PODN: variants seen among roughly 807,000 people sequenced by gnomAD.
PODN encodes the protein podocan, also known as podocan proteoglycan.
A neutral mutation model predicts 52.7 loss-of-function variants in PODN; 40 were observed. The observed-to-expected ratio is 0.76, with a 90% CI of 0.59 to 0.99. PODN has a LOEUF of 0.99. PODN is among the 50% of genes least tolerant of loss of function. PODN has a pLI of 0.00. For missense variants in PODN, 720 were observed against 815.1 expected (o/e 0.88, Z 1.42); for synonymous variants, 396 against 377.9 (o/e 1.05, Z -0.56).
chr1:53,083,994 G>A (rs1644329039), intron 10 of PODN, among the ~76,000 whole-genome samples: 1 of 152,160 alleles, frequency 6.6e-6, no homozygotes. Flanking sequence ...CACTTGGGTG[G>A]GTGACAGAGG....
chr1:53,079,426 C>T (rs1050901632), intron 8 of PODN, among the ~76,000 whole-genome samples: 32 of 152,112 alleles, frequency 2.1e-4, no homozygotes, highest in African/African-American at 7.7e-4. Context: ...GGGGCCAGTT[C>T]GGGTGGTATG....
intron 4 of PODN, 119 bp from the exon 5 acceptor site, chr1:53,075,743 A>T: frequency 1.3e-6 from 1 of 763,044 alleles, no homozygotes; most frequent in Non-Finnish European, 2.2e-6. Flanking sequence ...CAATTTGAGA[A>T]AGATGGCCTG....
intron 9 of PODN, among the ~76,000 whole-genome samples, 190 bp downstream of exon 9, chr1:53,081,066 G>A (rs1192052542): frequency 6.6e-6 from 1 of 152,248 alleles, no homozygotes; most frequent in East Asian, 1.9e-4. Context: ...CTTTGGAAAC[G>A]TTAGAAGCCA....
chr1:53,062,619 A>G (rs935857338), intron 1 of PODN, among the ~76,000 whole-genome samples: 1 of 151,330 alleles, frequency 6.6e-6, no homozygotes, highest in African/African-American at 2.4e-5. Flanking sequence ...CGGGGGCTGG[A>G]GTGGGAGGAC....
At chr1:53,077,859 G>A (rs541106724) in intron 7 of PODN, 59 bp downstream of exon 7, 22 of 1,444,632 alleles carry the variant, frequency 1.5e-5, no homozygotes, top group Middle Eastern at 3.5e-4. Context: ...AGCTCCTTCA[G>A]GGCCAACCAT....
Position 53,078,534 on chromosome 1 carries a change from A to G in PODN, c.1024A>G (p.Ser342Gly). 2.5e-6 allele frequency: 4 copies of G among 1,613,232 alleles called. No individual in the cohort carries two copies. The highest frequency in any genetic ancestry group is 3.4e-6 in the Non-Finnish European group (4 of 1,180,038). The change falls in exon 8 of 11, where the codon AGC becomes GGC. Residue 342 changes from serine to glycine, a missense_variant. Ser to Gly is a moderately conservative substitution (Grantham distance 56, BLOSUM62 0). Transcript: ENST00000312553. ...CAGCCTGGAGTACCTGCTGCTGCAC[A>G]GCAACCAGCTGCGGGAGCAGGGCAT... ...IRSLEYLLLH[S>G]NQLREQGIHP...
At chr1:53,067,640 G>A (rs1254291464) in intron 1 of PODN, among the ~76,000 whole-genome samples, 1 of 152,138 alleles carries the variant, frequency 6.6e-6, no homozygotes, top group African/African-American at 2.4e-5. Context: ...CGAAGGTCCA[G>A]GCCAAGTGAC....
At chr1:53,073,637 A>G (rs371075559) in intron 3 of PODN, 1 of 152,270 alleles carries the variant, frequency 6.6e-6, no homozygotes, top group Admixed American at 6.5e-5. Flanking sequence ...CGAAAATAAC[A>G]TCTGACTGGG....
At chr1:53,066,682 C>T (rs1055067703) in intron 1 of PODN, 7 of 761,708 alleles carry the variant, frequency 9.2e-6, no homozygotes, top group African/African-American at 1.8e-5. Flanking sequence ...GGGAGCTCAG[C>T]TTTGCCACTT....
rs2150304706 is a variant in PODN at position 53,079,038 on chromosome 1, G to A, written c.1512+16G>A. 1 of 1,508,312 alleles carries A rather than the reference G, an allele frequency of 6.6e-7. No individual in the cohort carries two copies. The highest frequency in any genetic ancestry group is 8.9e-7 in the Non-Finnish European group (1 of 1,126,600). The allele number at this position is 1,508,312 out of a possible 1,614,324, so 93.4% of individuals were successfully genotyped here. A position where few individuals can be genotyped will look rare whatever the true frequency, so the allele number is the denominator to read the frequency against. ...CCATCTGCAGGTAAGCGGAAGGGAG[G>A]GGGCTGAGCCATGCCCATGGAGGGG... On this transcript the variant is annotated intron_variant, in intron 8 of 10. Transcript: ENST00000312553.
Position 53,077,272 on chromosome 1 carries a change from C to T in PODN, c.664C>T (p.Leu222Phe). ...CAACGGCTCCAGCAACGTCGAGGTCCTCATCCTGTCCAGCAACTTCCTGCG... is the reference window on the plus strand; with the variant it reads ...CAACGGCTCCAGCAACGTCGAGGTCTTCATCCTGTCCAGCAACTTCCTGCG... ...MFNGSSNVEV[L>F]ILSSNFLRHV... The change falls in exon 6 of 11, where the codon CTC (leucine) becomes TTC (phenylalanine). Residue 222 changes from leucine (L) to phenylalanine (F), a missense_variant. Transcript: ENST00000312553. The T allele has an allele frequency of 1.2e-6, 2 of 1,613,474 alleles. No homozygotes were observed. The highest frequency in any genetic ancestry group is 8.5e-7 in the Non-Finnish European group (1 of 1,180,030).
chr1:53,065,995 CTTTT>C (rs780284767), intron 1 of PODN, among the ~76,000 whole-genome samples: 1 of 115,300 alleles, frequency 8.7e-6, no homozygotes, highest in Non-Finnish European at 1.7e-5. Flanking sequence ...TTCTAGAGGT[CTTTT>C]TTTTTTTTTT....
At chr1:53,063,641 A>C in intron 1 of PODN, 1 of 923,048 alleles carries the variant, frequency 1.1e-6, no homozygotes, top group Non-Finnish European at 1.3e-6. Flanking sequence ...CCTCATGTCC[A>C]CTCTTAGGGC....
chr1:53,081,927 G>A, intron 9 of PODN, 54 bp from the exon 10 acceptor site: 5 of 1,542,280 alleles, frequency 3.2e-6, no homozygotes, highest in Non-Finnish European at 3.5e-6. Flanking sequence ...CGGGGGAAGG[G>A]AGGGTTCCTT....
chr1:53,066,986 GGACT>G, intron 1 of PODN: 1 of 998,318 alleles, frequency 1.0e-6, no homozygotes, highest in South Asian at 1.5e-5. Flanking sequence ...TTAGAACCCC[GGACT>G]ACAGTGGGGT....
intron 10 of PODN, among the ~76,000 whole-genome samples, chr1:53,083,389 G>T (rs1214985855): frequency 1.7e-4 from 26 of 152,182 alleles, no homozygotes; most frequent in Admixed American, 1.7e-3. Context: ...GTGCTGGTGG[G>T]AAGAGGCTGG....
intron 3 of PODN, among the ~76,000 whole-genome samples, chr1:53,072,027 A>G (rs17107837): frequency 0.12 from 17,731 of 151,588 alleles, 2,094 homozygotes; most frequent in African/African-American, 0.27. Flanking sequence ...TCATTCATCA[A>G]TTCCATTACA....
rs753880782 is a variant in PODN, at chr1:53,069,817, C to T, written c.-39C>T. 26 of 1,581,506 alleles carry T rather than the reference C, an allele frequency of 1.6e-5. No homozygotes were observed. Among genetic ancestry groups the T allele is most frequent in the Admixed American group, 5.4e-5 (3 of 55,842 alleles). ...ACCTCACAGGTTCCGTCAGCCCTGG[C>T]GCCCAGGCGCATCTGACTCGGCACC... On this transcript the variant is annotated 5_prime_UTR_variant, in exon 2 of 11. Coordinates refer to ENST00000312553, the MANE Select transcript of PODN (RefSeq NM_153703.5).
At chr1:53,067,080 A>T (rs1207062073) in intron 1 of PODN, among the ~76,000 whole-genome samples, 1 of 152,092 alleles carries the variant, frequency 6.6e-6, no homozygotes, top group Non-Finnish European at 1.5e-5. Context: ...CTGTAGACTG[A>T]TGTTGGGTCA....
Sources: allele counts gnomAD v4.1 joint callset (sites outside exome capture counted in the v4.1 genomes callset), GRCh38; gene constraint gnomAD v4.1.1; transcripts MANE v1.5; gene names NCBI Gene and HGNC (gene_info 2026-07-23, HGNC 2026-07-21).